The following SPAG16 variants were observed in gnomAD, a reference collection of about 807,000 sequenced individuals.
SPAG16 encodes the protein sperm associated antigen 16.
SPAG16 carries 86 observed loss-of-function variants against 80.4 expected under a neutral mutation model. The observed-to-expected ratio is 1.07, with a 90% CI of 0.90 to 1.28. The LOEUF (loss-of-function observed/expected upper bound fraction) is 1.28. Among genes scored for constraint, SPAG16 ranks in the 50% most tolerant of loss-of-function variants. SPAG16 has a pLI of 0.00. For synonymous variants in SPAG16, 294 were observed against 265.9 expected (o/e 1.11, Z -1.03); for missense variants, 870 against 765.3 (o/e 1.14, Z -1.61).
At chr2:213,629,527 T>G (rs2062069894) in intron 10 of SPAG16, among the ~76,000 whole-genome samples, 2 of 152,206 alleles carry the variant, frequency 1.3e-5, no homozygotes, top group South Asian at 4.1e-4. Context: ...TAGAGCCTGT[T>G]ACATATAAAC....
intron 15 of SPAG16, among the ~76,000 whole-genome samples, chr2:214,325,992 T>C (rs1161013855): frequency 6.6e-6 from 1 of 152,186 alleles, no homozygotes; most frequent in African/African-American, 2.4e-5. Context: ...GCCAATAATA[T>C]AATAGGTATA....
At chr2:214,339,018 T>C (rs929926627) in intron 15 of SPAG16, among the ~76,000 whole-genome samples, 3 of 152,224 alleles carry the variant, frequency 2.0e-5, no homozygotes, top group African/African-American at 7.2e-5. Context: ...GAAAGCATTT[T>C]TGATATTTCA....
chr2:213,468,269 C>A (rs969745919), intron 9 of SPAG16, among the ~76,000 whole-genome samples: 1 of 151,256 alleles, frequency 6.6e-6, no homozygotes, highest in African/African-American at 2.4e-5. Flanking sequence ...CATAAGCAAC[C>A]AATATGCACA....
chr2:213,886,642 GC>G (rs949027384), intron 11 of SPAG16, among the ~76,000 whole-genome samples: 1 of 151,896 alleles, frequency 6.6e-6, no homozygotes, highest in African/African-American at 2.4e-5. Context: ...TGAGAGGAGT[GC>G]CAACAAACTT....
chr2:214,299,645 A>C (rs1010050652), intron 15 of SPAG16, among the ~76,000 whole-genome samples: 1 of 152,224 alleles, frequency 6.6e-6, no homozygotes, highest in African/African-American at 2.4e-5. Flanking sequence ...TAATCTTTTT[A>C]TACATGGCCT....
intron 10 of SPAG16, among the ~76,000 whole-genome samples, chr2:213,692,395 TA>T (rs1303605186): frequency 6.6e-6 from 1 of 152,152 alleles, no homozygotes; most frequent in Non-Finnish European, 1.5e-5. Context: ...GTGTTTGTAC[TA>T]AAAATACATA....
chr2:213,695,470 A>G (rs1174971183), intron 10 of SPAG16, among the ~76,000 whole-genome samples: 1 of 152,198 alleles, frequency 6.6e-6, no homozygotes, highest in Non-Finnish European at 1.5e-5. Context: ...CTCTTTGGCC[A>G]CACCAATGAG....
At chr2:213,990,931 C>G (rs192371485) in intron 12 of SPAG16, among the ~76,000 whole-genome samples, 1 of 152,314 alleles carries the variant, frequency 6.6e-6, no homozygotes, top group Non-Finnish European at 1.5e-5. Context: ...ACAGCAACAG[C>G]AGTAGCTTAC....
At chr2:213,640,362 A>T (rs1404423665) in intron 10 of SPAG16, among the ~76,000 whole-genome samples, 1 of 151,940 alleles carries the variant, frequency 6.6e-6, no homozygotes, top group Non-Finnish European at 1.5e-5. Context: ...GTTCCTTCTC[A>T]TTTGGGTAGA....
Position 213,772,428 on chromosome 2 carries a change from A to G in SPAG16, c.1071-90057A>G, listed in dbSNP as rs138781687. Among the ~76,000 whole-genome samples, 389 of 152,212 alleles carry G rather than the reference A, an allele frequency of 2.6e-3. 2 individuals carry two copies. Among genetic ancestry groups the G allele is most frequent in the East Asian group, 0.01 (53 of 5,174 alleles). ...CAGTGATTTGAACATTTTGTATCCT[A>G]TGTAGCAAATAATCTTCTAACATAA... On this transcript the variant is annotated intron_variant, in intron 10 of 15. Transcript: ENST00000331683.
chr2:213,813,824 G>A (rs1040072039), intron 10 of SPAG16, among the ~76,000 whole-genome samples: 1 of 152,144 alleles, frequency 6.6e-6, no homozygotes, highest in African/African-American at 2.4e-5. Context: ...ACCATGGCAA[G>A]AAGCACCCAC....
chr2:213,810,112 A>G (rs1429061650), intron 10 of SPAG16, among the ~76,000 whole-genome samples: 1 of 152,182 alleles, frequency 6.6e-6, no homozygotes, highest in African/African-American at 2.4e-5. Context: ...GTAAGAGAGA[A>G]GGATAGTTAG....
chr2:214,391,807 T>C (rs1701096546), intron 15 of SPAG16, among the ~76,000 whole-genome samples: 1 of 152,186 alleles, frequency 6.6e-6, no homozygotes, highest in South Asian at 2.1e-4. Context: ...ACACATTGTA[T>C]AAAGAGCATT....
chr2:213,434,810 A>G (rs1273111474), intron 9 of SPAG16, among the ~76,000 whole-genome samples: 1 of 152,204 alleles, frequency 6.6e-6, no homozygotes, highest in East Asian at 1.9e-4. Flanking sequence ...AATATAATAG[A>G]CTTTGTGAGG....
chr2:213,421,222 C>A (rs139005763), intron 9 of SPAG16, among the ~76,000 whole-genome samples: 41 of 152,370 alleles, frequency 2.7e-4, no homozygotes, highest in Non-Finnish European at 4.6e-4. Context: ...CCTTTCCCTG[C>A]TCCTGGCACC....
chr2:213,326,427 A>G (rs953007370), intron 5 of SPAG16, among the ~76,000 whole-genome samples: 4 of 152,058 alleles, frequency 2.6e-5, no homozygotes, highest in African/African-American at 2.4e-5. Context: ...GGCTTATAAA[A>G]TTTCATGCTT....
chr2:213,988,000 T>A (rs1401448767), intron 12 of SPAG16, among the ~76,000 whole-genome samples: 1 of 151,786 alleles, frequency 6.6e-6, no homozygotes, highest in Non-Finnish European at 1.5e-5. Flanking sequence ...ATACATCTTA[T>A]ACTTGCAAAA....
At chr2:214,238,826 T>G (rs1004736180) in intron 15 of SPAG16, 3 of 151,990 alleles carry the variant, frequency 2.0e-5, no homozygotes, top group Non-Finnish European at 4.4e-5. Context: ...ACAACAAGCT[T>G]ATCTGCACTA....
intron 10 of SPAG16, among the ~76,000 whole-genome samples, chr2:213,836,179 C>T (rs193299979): frequency 7.4e-6 from 1 of 135,384 alleles, no homozygotes; most frequent in African/African-American, 2.8e-5. Flanking sequence ...ATTATTCGCC[C>T]CCCCCCCCAT....
Sources: gnomAD v4.1 joint callset for allele counts (sites outside exome capture counted in the v4.1 genomes callset) on GRCh38, gnomAD v4.1.1 for gene constraint, MANE v1.5 for transcripts, NCBI Gene and HGNC (gene_info 2026-07-23, HGNC 2026-07-21) for gene names.